ADAM15: variants seen among roughly 807,000 people sequenced by gnomAD.
ADAM15 encodes the protein disintegrin and metalloproteinase domain-containing protein 15.
ADAM15 carries 77 observed loss-of-function variants against 113.8 expected under a neutral mutation model. The ratio of observed to expected loss-of-function variants is 0.68; its 90% CI spans 0.56 to 0.82. The LOEUF (loss-of-function observed/expected upper bound fraction) is 0.82. ADAM15 is among the 40% of genes least tolerant of loss of function. ADAM15 has a pLI of 0.00. For missense variants in ADAM15, 963 were observed against 1,120.1 expected, an observed-to-expected ratio of 0.86 and a Z score of 2.00; for synonymous variants, 388 against 454.1, an observed-to-expected ratio of 0.85 and a Z score of 1.85.
At chr1:155,053,268 C>T (rs1661335308) in intron 2 of ADAM15, 149 bp from the exon 3 acceptor site, 3 of 719,704 alleles carry the variant, frequency 4.2e-6, no homozygotes, top group East Asian at 2.6e-5. Flanking sequence ...ATGCTCCAGG[C>T]CAGGCAGGGT....
rs950033542 is a variant in ADAM15 at position 155,057,689 on chromosome 1, C to T, written c.1376C>T (p.Ala459Val). The stretch of plus-strand genomic sequence containing the variant: ...TTGACCTGCCAGCTGAGGCCAGGTG[C>T]ACAGTGTGCATCTGACGGACCCTGT... ...DSLTCQLRPG[A>V]QCASDGPCCQ... is the part of the protein sequence containing the mutation. The change falls in exon 13 of 23, where the codon GCA becomes GTA. Residue 459 changes from alanine (A) to valine (V), a missense_variant. Coordinates refer to ENST00000356955, the MANE Select transcript of ADAM15 (RefSeq NM_207197.3). The surrounding 1 kb of genome is among the most constrained non-coding windows in gnomAD (Gnocchi z 5.0). The T allele has an allele frequency of 2.5e-6, 4 of 1,614,062 alleles. No homozygotes were observed. Among genetic ancestry groups the T allele is most frequent in the African/African-American group, 2.7e-5 (2 of 74,926 alleles).
chr1:155,052,443 A>G, intron 1 of ADAM15: 1 of 1,487,216 alleles, frequency 6.7e-7, no homozygotes, highest in South Asian at 1.2e-5. Context: ...GCAAGCCGAA[A>G]GTCTTTCTTG....
intron 17 of ADAM15, 92 bp from the exon 18 acceptor site, chr1:155,060,113 C>T: frequency 2.5e-6 from 4 of 1,579,798 alleles, no homozygotes; most frequent in Non-Finnish European, 3.5e-6. Context: ...TTCACTCTCC[C>T]TGATCACTTG....
chr1:155,054,473 A>G lies in ADAM15; in HGVS notation c.579A>G (p.Pro193=), dbSNP rs1287396775. The part of the protein sequence containing the change: ...WRESVHTQKP[P]EHPLGQRHIR... The stretch of plus-strand genomic sequence containing the variant: ...AATCTGTACACACTCAGAAGCCACC[A>G]GAGCACCCCCTGGGACAGCGCCACA... Residue 193 remains proline (P), a synonymous_variant, in exon 6 of 23, where the codon CCA becomes CCG. Coordinates refer to ENST00000356955, the MANE Select transcript of ADAM15 (RefSeq NM_207197.3). 10 of 1,596,052 alleles carry G rather than the reference A, an allele frequency of 6.3e-6. No individual in the cohort carries two copies. Among genetic ancestry groups the G allele is most frequent in the Non-Finnish European group, 8.5e-6 (10 of 1,169,644 alleles).
chr1:155,060,222 A>C lies in ADAM15; in HGVS notation c.2086A>C (p.Thr696Pro). 6.2e-7 allele frequency: 1 copy of C among 1,613,870 alleles called. No homozygotes were observed. Among genetic ancestry groups the C allele is most frequent in the Non-Finnish European group, 8.5e-7 (1 of 1,179,936 alleles). ...GCCCACAGCAACCAGCTCCCTGACC[A>C]CAGGGCTGCTCCTCAGCCTCCTGGT... ...TQLKATSSLT[T>P]GLLLSLLVLL... The change falls in exon 18 of 23, where the codon ACA (threonine) becomes CCA (proline). Residue 696 changes from threonine to proline, a missense_variant. Physicochemically the swap from Thr to Pro is conservative, Grantham distance 38. Transcript: ENST00000356955.
intron 19 of ADAM15, 29 bp downstream of exon 19, chr1:155,060,861 C>A (rs1202217314): frequency 3.8e-6 from 6 of 1,597,176 alleles, no homozygotes; most frequent in Non-Finnish European, 5.1e-6. Flanking sequence ...AGGAAGGGGA[C>A]TCCACCTTGG....
Position 155,054,303 on chromosome 1 carries a change from T to C in ADAM15, c.420-11T>C, listed in dbSNP as rs376463005. On this transcript the variant is annotated splice_polypyrimidine_tract_variant and intron_variant, in intron 5 of 22. Coordinates refer to ENST00000356955, the MANE Select transcript of ADAM15 (RefSeq NM_207197.3). Reference sequence around the variant, plus strand: ...GGAGCTGAAATGTTCTCTGACTTTCTTTTTTCTTAGAGGCTTGGTGGTCCT... The same window carrying C: ...GGAGCTGAAATGTTCTCTGACTTTCCTTTTTCTTAGAGGCTTGGTGGTCCT... The C allele has an allele frequency of 3.2e-5, 51 of 1,581,998 alleles. No homozygotes were observed. Among genetic ancestry groups the C allele is most frequent in the Non-Finnish European group, 3.6e-5 (42 of 1,165,826 alleles).
intron 17 of ADAM15, 72 bp from the exon 18 acceptor site, chr1:155,060,133 C>G: frequency 6.3e-7 from 1 of 1,593,916 alleles, no homozygotes; most frequent in Non-Finnish European, 8.6e-7. Flanking sequence ...GACTTCACTC[C>G]CTGCCCCCTG....
chr1:155,054,211 C>T lies in ADAM15; in HGVS notation c.404C>T (p.Thr135Ile), dbSNP rs1158393697. ...GYAGSWVSICTCSGLRGLVVL... is the reference protein window; with the variant it reads ...GYAGSWVSICICSGLRGLVVL... ...GCAGGCTCCTGGGTGTCCATCTGCA[C>T]CTGCTCTGGGCTCAGGTATACTGGG... The change falls in exon 5 of 23, where the codon ACC becomes ATC. Residue 135 changes from threonine to isoleucine, a missense_variant. Physicochemically the swap from Thr to Ile is moderately conservative, Grantham distance 89. Transcript: ENST00000356955. 12 of 1,605,630 alleles carry T rather than the reference C, an allele frequency of 7.5e-6. No individual in the cohort carries two copies. Among genetic ancestry groups the T allele is most frequent in the Non-Finnish European group, 1.0e-5 (12 of 1,177,574 alleles).
rs1441107669 is a variant in ADAM15, at chr1:155,058,143, C to T, written c.1709C>T (p.Ser570Phe). ...CGCAACCCCAGTGGCAGTTATGTGT[C>T]CTGCACCCCTAGGTAAGTGAGGAAA... Reference protein sequence around the residue: ...CGRNPSGSYVSCTPRDAICGQ... With the variant: ...CGRNPSGSYVFCTPRDAICGQ... The change falls in exon 14 of 23, where the codon TCC becomes TTC. Residue 570 changes from serine (S) to phenylalanine (F), a missense_variant. Transcript: ENST00000356955. The surrounding 1 kb of genome is among the most constrained non-coding windows in gnomAD (Gnocchi z 4.3). The T allele has an allele frequency of 6.2e-7, 1 of 1,612,450 alleles. No homozygotes were observed. The highest frequency in any genetic ancestry group is 1.7e-5 in the Admixed American group (1 of 59,994).
chr1:155,054,131 T>C lies in ADAM15; in HGVS notation c.343-19T>C, dbSNP rs991664126. 6.2e-7 allele frequency: 1 copy of C among 1,612,962 alleles called. No individual in the cohort carries two copies. On this transcript the variant is annotated intron_variant, in intron 4 of 22. Transcript: ENST00000356955. ...GGTGTGCTCTCTGAGACAGCACTAA[T>C]GTTGTTCCCATGCTGCAGGAGAACT...
chr1:155,051,580 C>A, intron 1 of ADAM15, 115 bp downstream of exon 1: 1 of 1,027,914 alleles, frequency 9.7e-7, no homozygotes, highest in Non-Finnish European at 1.3e-6. Flanking sequence ...CCAGCCAGAG[C>A]GCGGCCCGCC....
At chr1:155,061,795 T>TA in intron 20 of ADAM15, 109 bp from the exon 21 acceptor site, 1 of 1,231,270 alleles carries the variant, frequency 8.1e-7, no homozygotes. Flanking sequence ...CATTCTCTCC[T>TA]GCCCCCTGGC....
At chr1:155,052,563 C>T in intron 1 of ADAM15, 108 bp from the exon 2 acceptor site, 1 of 1,550,880 alleles carries the variant, frequency 6.4e-7, no homozygotes, top group Non-Finnish European at 8.7e-7. Context: ...CCCTCAGGTA[C>T]CTAAGGGTCT....
In ADAM15 at chr1:155,054,521, CA is replaced by C; in HGVS notation, c.612+16del. On this transcript the variant is annotated intron_variant, in intron 6 of 22. Coordinates refer to ENST00000356955, the MANE Select transcript of ADAM15 (RefSeq NM_207197.3). The stretch of plus-strand genomic sequence containing the variant: ...ACATTCGCCGGGTGAGGATGAATGG[CA>C]GGGGGGTGGGCTTTGGTTGTCTTGA... 1 of 1,550,108 alleles carries C rather than the reference CA, an allele frequency of 6.5e-7. No individual in the cohort carries two copies. The highest frequency in any genetic ancestry group is 8.7e-7 in the Non-Finnish European group (1 of 1,144,976).
chr1:155,052,638 C>T (rs1464155347), intron 1 of ADAM15, 33 bp from the exon 2 acceptor site: 2 of 1,575,320 alleles, frequency 1.3e-6, no homozygotes, highest in Non-Finnish European at 1.7e-6. Flanking sequence ...TCGATTCCCT[C>T]AGTACTGTCT....
At chr1:155,060,736 T>A in intron 18 of ADAM15, 27 bp from the exon 19 acceptor site, 1 of 1,610,490 alleles carries the variant, frequency 6.2e-7, no homozygotes, top group Non-Finnish European at 8.5e-7. Context: ...CTGGGCCCTC[T>A]CCCTTCTTGC....
chr1:155,060,617 A>C, intron 18 of ADAM15, 146 bp from the exon 19 acceptor site: 1 of 943,386 alleles, frequency 1.1e-6, no homozygotes, highest in Non-Finnish European at 1.6e-6. Flanking sequence ...GCTAATAAAT[A>C]CTGCCCCCCA....
chr1:155,054,517 A>G lies in ADAM15; in HGVS notation c.612+11A>G. On this transcript the variant is annotated intron_variant, in intron 6 of 22. Coordinates refer to ENST00000356955, the MANE Select transcript of ADAM15 (RefSeq NM_207197.3). ...CGCCACATTCGCCGGGTGAGGATGA[A>G]TGGCAGGGGGGTGGGCTTTGGTTGT... 1 of 1,554,742 alleles carries G rather than the reference A, an allele frequency of 6.4e-7. No individual in the cohort carries two copies. The highest frequency in any genetic ancestry group is 8.7e-7 in the Non-Finnish European group (1 of 1,147,042).
Sources: allele counts gnomAD v4.1 joint callset, GRCh38; gene constraint gnomAD v4.1.1; non-coding constraint Gnocchi (gnomAD v3.1); transcripts MANE v1.5; gene names NCBI Gene and HGNC (gene_info 2026-07-23, HGNC 2026-07-21).